SLC9A4: variants seen among roughly 807,000 people sequenced by gnomAD.
The protein encoded by SLC9A4 is solute carrier family 9 member A4.
Under a neutral mutation model 67.4 loss-of-function variants are expected in SLC9A4, and 63 were observed. The ratio of observed to expected loss-of-function variants is 0.93; its 90% CI spans 0.76 to 1.15. SLC9A4 has a LOEUF of 1.15. Among genes scored for constraint, SLC9A4 ranks in the 50% most tolerant of loss-of-function variants. The pLI is 0.00. For synonymous variants in SLC9A4, 393 were observed against 367.2 expected (o/e 1.07, Z -0.80); for missense variants, 1,089 against 987.7 (o/e 1.10, Z -1.38).
chr2:102,531,124 G>A (rs375734666), intron 11 of SLC9A4, among the ~76,000 whole-genome samples: 3 of 147,052 alleles, frequency 2.0e-5, no homozygotes, highest in Non-Finnish European at 3.0e-5. Flanking sequence ...GTGCAGTGGC[G>A]TGATCTCGGC....
At chr2:102,501,925 G>T (rs1455182952) in intron 2 of SLC9A4, among the ~76,000 whole-genome samples, 2 of 151,972 alleles carry the variant, frequency 1.3e-5, no homozygotes. Context: ...AGCCAGAGGG[G>T]CAATGAGAGC....
In SLC9A4 at chr2:102,473,844, G is replaced by T. The variant is rs267598809; in HGVS notation, c.85G>T (p.Asp29Tyr). Residue 29 changes from aspartate to tyrosine, a missense_variant, in exon 1 of 12, where the codon GAT becomes TAT. By Grantham distance (160) the Asp-to-Tyr change is radical (BLOSUM62 -3). Coordinates refer to ENST00000295269, the MANE Select transcript of SLC9A4 (RefSeq NM_001011552.4). ...VALECSEASS[D>Y]LNESANSTAQ... The stretch of plus-strand genomic sequence containing the variant: ...TCTTGAGTGTTCTGAAGCATCTTCT[G>T]ATTTGAATGAATCTGCAAATTCCAC... 6 of 1,614,090 alleles carry T rather than the reference G, an allele frequency of 3.7e-6. No homozygotes were observed. The highest frequency in any genetic ancestry group is 5.1e-6 in the Non-Finnish European group (6 of 1,179,952).
At chr2:102,508,446 T>C (rs1685093618) in intron 5 of SLC9A4, among the ~76,000 whole-genome samples, 165 bp downstream of exon 5, 1 of 152,242 alleles carries the variant, frequency 6.6e-6, no homozygotes, top group South Asian at 2.1e-4. Flanking sequence ...ATCCTTTAAC[T>C]TCTAAAATGT....
chr2:102,488,551 T>C (rs1222302077), intron 2 of SLC9A4, among the ~76,000 whole-genome samples: 2 of 72,896 alleles, frequency 2.7e-5, no homozygotes, highest in African/African-American at 4.1e-5. Flanking sequence ...CTAATTCCTT[T>C]TTTTTTTTTT....
At chr2:102,485,378 A>T (rs1684565021) in intron 2 of SLC9A4, among the ~76,000 whole-genome samples, 1 of 152,154 alleles carries the variant, frequency 6.6e-6, no homozygotes, top group Non-Finnish European at 1.5e-5. Context: ...TCTATCAGAG[A>T]CCATTGACCT....
chr2:102,532,322 T>C lies in SLC9A4; in HGVS notation c.2039-8T>C, dbSNP rs1261642624. The C allele has an allele frequency of 1.2e-6, 2 of 1,606,876 alleles. No homozygotes were observed. The highest frequency in any genetic ancestry group is 2.2e-5 in the South Asian group (2 of 90,496). ...TTCTTTCCCCTTCTTGCCATGATGT[T>C]TTCCTAGATGATGACAGCAGTGATC... is the stretch of plus-strand genomic sequence containing the variant. On this transcript the variant is annotated splice_region_variant and splice_polypyrimidine_tract_variant and intron_variant, in intron 11 of 11. Transcript: ENST00000295269.
At chr2:102,482,113 A>G (rs1252896953) in intron 2 of SLC9A4, among the ~76,000 whole-genome samples, 2 of 152,206 alleles carry the variant, frequency 1.3e-5, no homozygotes, top group Non-Finnish European at 2.9e-5. Context: ...AAGCTTCACA[A>G]AAAGCCACAT....
At position 102,533,248 on chromosome 2, in the gene SLC9A4, A is replaced by G. The variant is rs1338854240; in HGVS notation, c.*560A>G. ...TGTTCTATCAGAGATAAAATTTGTT[A>G]TGAATTTGCTTTATTTAATCAGTAG... On this transcript the variant is annotated 3_prime_UTR_variant, in exon 12 of 12. Transcript: ENST00000295269. 2 of 153,686 alleles carry G rather than the reference A, an allele frequency of 1.3e-5. No individual in the cohort carries two copies. The highest frequency in any genetic ancestry group is 2.9e-5 in the Non-Finnish European group (2 of 68,978). 9.5% of individuals were successfully genotyped at this position (153,686 alleles called of 1,614,324 possible).
At chr2:102,530,623 G>A (rs947494123) in intron 11 of SLC9A4, among the ~76,000 whole-genome samples, 3 of 152,162 alleles carry the variant, frequency 2.0e-5, no homozygotes, top group Admixed American at 6.5e-5. Flanking sequence ...GCACTCAACA[G>A]GAAAGGTTGG....
chr2:102,532,700 A>C lies in SLC9A4; in HGVS notation c.*12A>C. 1 of 1,606,292 alleles carries C rather than the reference A, an allele frequency of 6.2e-7. No homozygotes were observed. Among genetic ancestry groups the C allele is most frequent in the African/African-American group, 1.3e-5 (1 of 74,716 alleles). On this transcript the variant is annotated 3_prime_UTR_variant, in exon 12 of 12. Transcript: ENST00000295269. ...TCCAAAAAAAATAGTGTTATTGTCC[A>C]CAAGATTGTTTTGGTGTTTCTCAAG...
At chr2:102,514,586 T>C (rs1685237563) in intron 8 of SLC9A4, among the ~76,000 whole-genome samples, 1 of 152,334 alleles carries the variant, frequency 6.6e-6, no homozygotes. Context: ...CCCGTGCATG[T>C]GATTCTGTCC....
In SLC9A4 at chr2:102,484,381, T is replaced by C. The variant is rs369249469; in HGVS notation, c.720+5079T>C. 3.3e-5 allele frequency among the ~76,000 whole-genome samples: 5 copies of C among 152,300 alleles called. 1 individual carries two copies. The highest frequency in any genetic ancestry group is 9.6e-5 in the African/African-American group (4 of 41,572). Reference sequence around the variant, plus strand: ...TCCAGTGAGTGAAGCCAGTGTTCTTTCTGCAAAACACTATGGCTTGAGGCA... The same window carrying C: ...TCCAGTGAGTGAAGCCAGTGTTCTTCCTGCAAAACACTATGGCTTGAGGCA... On this transcript the variant is annotated intron_variant, in intron 2 of 11. Coordinates refer to ENST00000295269, the MANE Select transcript of SLC9A4 (RefSeq NM_001011552.4).
intron 8 of SLC9A4, 119 bp from the exon 9 acceptor site, chr2:102,519,740 A>G (rs1685360312): frequency 2.5e-6 from 2 of 796,454 alleles, no homozygotes; most frequent in South Asian, 2.5e-5. Flanking sequence ...GAAAAATTAT[A>G]TGTAGGATTC....
Position 102,505,192 on chromosome 2 carries a change from A to G in SLC9A4, c.981-62A>G, listed in dbSNP as rs957307657. ...TGCATCTGTGGCATTGCCTGTGGGG[A>G]GGGCGTTTTGTGGAGGGGGAAAACC... On this transcript the variant is annotated intron_variant, in intron 3 of 11. Coordinates refer to ENST00000295269, the MANE Select transcript of SLC9A4 (RefSeq NM_001011552.4). The G allele has an allele frequency of 1.1e-5, 16 of 1,495,460 alleles. No individual in the cohort carries two copies. The Admixed American group carries it at 1.1e-4, about 10-fold the overall frequency. The allele number at this position is 1,495,460 out of a possible 1,614,324, so 92.6% of individuals were successfully genotyped here.
At chr2:102,507,154 G>A (rs866795376) in intron 4 of SLC9A4, among the ~76,000 whole-genome samples, 4 of 152,142 alleles carry the variant, frequency 2.6e-5, no homozygotes, top group African/African-American at 4.8e-5. Flanking sequence ...TAAGAACCTC[G>A]CTCAAGGTCA....
At position 102,503,438 on chromosome 2, in the gene SLC9A4, T is replaced by C; in HGVS notation, c.721-10T>C. The C allele has an allele frequency of 1.3e-6, 2 of 1,571,016 alleles. No individual in the cohort carries two copies. The highest frequency in any genetic ancestry group is 1.8e-5 in the Admixed American group (1 of 54,642). ...ATAATTCATATTTGTTTACTCTCTTTTTTGCCTAGGTCTTATACAATATGT... is the reference window on the plus strand; with the variant it reads ...ATAATTCATATTTGTTTACTCTCTTCTTTGCCTAGGTCTTATACAATATGT... On this transcript the variant is annotated splice_polypyrimidine_tract_variant and intron_variant, in intron 2 of 11. Coordinates refer to ENST00000295269, the MANE Select transcript of SLC9A4 (RefSeq NM_001011552.4).
chr2:102,488,631 C>A (rs1420575343), intron 2 of SLC9A4, among the ~76,000 whole-genome samples: 2 of 150,618 alleles, frequency 1.3e-5, no homozygotes, highest in Admixed American at 1.3e-4. Context: ...TCACTGTAAG[C>A]TCTGCCTCCC....
At chr2:102,487,515 G>T (rs574556589) in intron 2 of SLC9A4, among the ~76,000 whole-genome samples, 63 of 152,306 alleles carry the variant, frequency 4.1e-4, no homozygotes, top group African/African-American at 1.5e-3. Context: ...TGGGAGGCAT[G>T]CTAGAGCAGG....
chr2:102,502,974 T>C (rs1463487391), intron 2 of SLC9A4, among the ~76,000 whole-genome samples: 2 of 152,204 alleles, frequency 1.3e-5, no homozygotes, highest in Non-Finnish European at 2.9e-5. Context: ...CCGCTGGAGT[T>C]CCTCACACCC....
Sources: allele counts gnomAD v4.1 joint callset (sites outside exome capture counted in the v4.1 genomes callset), GRCh38; gene constraint gnomAD v4.1.1; transcripts MANE v1.5; gene names NCBI Gene and HGNC (gene_info 2026-07-23, HGNC 2026-07-21).